The following FBXW10 variants were observed in gnomAD, a reference collection of about 807,000 sequenced individuals.
FBXW10 encodes F-box/WD repeat-containing protein 10.
FBXW10 carries 68 observed loss-of-function variants against 113.1 expected under a neutral mutation model. The observed-to-expected ratio is 0.60, with a 90% CI of 0.49 to 0.74. FBXW10 has a LOEUF of 0.74. Among genes scored for constraint, FBXW10 ranks in the 30% least tolerant of loss-of-function variants. FBXW10 has a pLI of 0.00. For missense variants in FBXW10, 753 were observed against 1,284.5 expected (o/e 0.59, Z 6.32); for synonymous variants, 289 against 481.6 (o/e 0.60, Z 5.24).
chr17:18,762,152 CG>C (rs199859632), intron 7 of FBXW10, among the ~76,000 whole-genome samples: 13,130 of 149,604 alleles, frequency 0.088, 633 homozygotes, highest in African/African-American at 0.13. Context: ...TTAGTAGAGA[CG>C]GGGTTTCACT....
At position 18,772,600 on chromosome 17, in the gene FBXW10, G is replaced by A; in HGVS notation, c.2195G>A (p.Ser732Asn). Residue 732 changes from serine (S) to asparagine (N), a missense_variant, in exon 12 of 14, where the codon AGT becomes AAT. Transcript: ENST00000395665. ...CACAGCCCAAGAGAGTCTGTATCCA[G>A]TAAACAAACTGTGATCCAAGAGCTC... is the stretch of plus-strand genomic sequence containing the variant. Reference protein sequence around the residue: ...QVHSPRESVSSKQTVIQELLP... With the variant: ...QVHSPRESVSNKQTVIQELLP... 1 of 1,614,006 alleles carries A rather than the reference G, an allele frequency of 6.2e-7. No individual in the cohort carries two copies. Among genetic ancestry groups the A allele is most frequent in the Non-Finnish European group, 8.5e-7 (1 of 1,179,854 alleles).
chr17:18,749,672 G>C (rs745917852), intron 2 of FBXW10, 50 bp from the exon 3 acceptor site: 24 of 1,613,172 alleles, frequency 1.5e-5, no homozygotes, highest in Non-Finnish European at 2.0e-5. Flanking sequence ...TTGGCCTGGA[G>C]TTTCTACAGA....
At chr17:18,775,342 C>G (rs904224169) in intron 13 of FBXW10, 150 bp downstream of exon 13, 3 of 614,998 alleles carry the variant, frequency 4.9e-6, no homozygotes, top group Non-Finnish European at 5.9e-6. Context: ...TTCTCTCACT[C>G]TAGTTTCGTA....
At chr17:18,764,554 A>G (rs1007847539) in intron 7 of FBXW10, among the ~76,000 whole-genome samples, 188 bp from the exon 8 acceptor site, 25 of 152,128 alleles carry the variant, frequency 1.6e-4, no homozygotes, top group African/African-American at 4.6e-4. Context: ...ACGTAACACA[A>G]AAATTAACTT....
chr17:18,757,085 T>C (rs189252277), intron 6 of FBXW10, among the ~76,000 whole-genome samples: 182 of 152,312 alleles, frequency 1.2e-3, no homozygotes, highest in Non-Finnish European at 1.8e-3. Context: ...CATATATATA[T>C]ACACATATAC....
At chr17:18,764,233 C>T (rs182629310) in intron 7 of FBXW10, among the ~76,000 whole-genome samples, 128 of 140,282 alleles carry the variant, frequency 9.1e-4, no homozygotes, top group African/African-American at 3.4e-3. Context: ...GACAGAGTCT[C>T]GCTCTATTGG....
chr17:18,772,119 T>A (rs2035625756), intron 11 of FBXW10, among the ~76,000 whole-genome samples: 1 of 151,898 alleles, frequency 6.6e-6, no homozygotes, highest in Non-Finnish European at 1.5e-5. Flanking sequence ...AATAAAAAAA[T>A]AAAAATAAAA....
At chr17:18,764,892 A>T in intron 8 of FBXW10, 29 bp downstream of exon 8, 1 of 1,613,892 alleles carries the variant, frequency 6.2e-7, no homozygotes, top group Admixed American at 1.7e-5. Context: ...AAATTTTCTA[A>T]GAAGTTTCCC....
intron 1 of FBXW10, chr17:18,745,307 G>T: frequency 1.4e-6 from 1 of 711,690 alleles, no homozygotes; most frequent in Non-Finnish European, 1.7e-6. Flanking sequence ...TAGGGTGGTA[G>T]TTCTCCAGCT....
intron 5 of FBXW10, among the ~76,000 whole-genome samples, chr17:18,754,817 G>A (rs879273173): frequency 1.6e-4 from 24 of 152,190 alleles, no homozygotes; most frequent in Non-Finnish European, 2.4e-4. Flanking sequence ...AAATGAAAGC[G>A]CCCTTGTCAC....
chr17:18,747,949 C>T lies in FBXW10; in HGVS notation c.514C>T (p.Gln172Ter), dbSNP rs1332547018. ...GGTCTTCTGTGTTTCAGGGCTCAAT[C>T]AAGACATCACAGATGTGTGTTTTTC... The part of the protein sequence containing the change: ...REENNISGLN[Q>*]DITDVCFSPE... The change falls in exon 2 of 14, where the codon CAA (glutamine) becomes TAA (stop). Residue 172 changes from glutamine (Q) to a stop codon, truncating the protein, a stop_gained. Coordinates refer to ENST00000395665, the MANE Select transcript of FBXW10 (RefSeq NM_001267585.2). LOFTEE classifies it high-confidence loss of function. 2.3e-5 allele frequency: 37 copies of T among 1,613,788 alleles called. No individual in the cohort carries two copies. The highest frequency in any genetic ancestry group is 3.0e-5 in the Non-Finnish European group (35 of 1,179,862).
chr17:18,748,926 A>G (rs1414702787), intron 2 of FBXW10, among the ~76,000 whole-genome samples: 1 of 152,234 alleles, frequency 6.6e-6, no homozygotes, highest in Non-Finnish European at 1.5e-5. Flanking sequence ...CAAGACATAT[A>G]CATGAAATAT....
Position 18,772,444 on chromosome 17 carries a change from T to A in FBXW10, c.2039T>A (p.Met680Lys). Residue 680 changes from methionine to lysine, a missense_variant, in exon 12 of 14, where the codon ATG becomes AAG. By Grantham distance (95) the Met-to-Lys change is moderately conservative. Transcript: ENST00000395665. ...MVVNTESNVL[M>K]FQFEHIKWQY... ...GTCAACACAGAGAGCAATGTTCTCA[T>A]GTTCCAGTTTGAGCACATAAAGTGG... 11 of 1,614,204 alleles carry A rather than the reference T, an allele frequency of 6.8e-6. No homozygotes were observed. The highest frequency in any genetic ancestry group is 9.3e-6 in the Non-Finnish European group (11 of 1,180,016).
chr17:18,756,199 T>A (rs772660060), intron 6 of FBXW10, 45 bp downstream of exon 6: 11 of 1,573,074 alleles, frequency 7.0e-6, no homozygotes, highest in Non-Finnish European at 7.0e-6. Flanking sequence ...ATGCTTGAGT[T>A]ACCCACACTG....
chr17:18,764,234 G>T lies in FBXW10; in HGVS notation c.1434-508G>T, dbSNP rs2035442436. Among the ~76,000 whole-genome samples the T allele has an allele frequency of 2.2e-5, 3 of 134,054 alleles. No homozygotes were observed. In the South Asian group the frequency reaches 6.8e-4, roughly 30 times the overall value. The allele number at this position is 134,054 out of a possible 152,430, so 87.9% of individuals were successfully genotyped here. On this transcript the variant is annotated intron_variant, in intron 7 of 13. Transcript: ENST00000395665. ...TTTTTTTTTTTTGAGACAGAGTCTC[G>T]CTCTATTGGCAGGCTGGAGTGCAGT... is the stretch of plus-strand genomic sequence containing the variant.
rs1171025509 is a variant in FBXW10, at chr17:18,778,579, C to A, written c.2440C>A (p.Gln814Lys). The change falls in exon 14 of 14, where the codon CAA (glutamine) becomes AAA (lysine). Residue 814 changes from glutamine to lysine, a missense_variant. Gln to Lys is a moderately conservative substitution (Grantham distance 53, BLOSUM62 1). Coordinates refer to ENST00000395665, the MANE Select transcript of FBXW10 (RefSeq NM_001267585.2). ...KSWKIPMSPD[Q>K]FLLTVSALQH... ...TTGGAAAATCCCTATGTCACCTGAC[C>A]AATTCCTCCTGACTGTTAGCGCCCT... is the stretch of plus-strand genomic sequence containing the variant. 5 of 1,613,870 alleles carry A rather than the reference C, an allele frequency of 3.1e-6. 1 individual carries two copies. In the Admixed American group the frequency reaches 6.7e-5, roughly 22 times the overall value.
At chr17:18,747,422 G>A (rs1380262892) in intron 1 of FBXW10, among the ~76,000 whole-genome samples, 4 of 152,066 alleles carry the variant, frequency 2.6e-5, no homozygotes, top group Non-Finnish European at 5.9e-5. Flanking sequence ...ATAGCCAGGT[G>A]TCATGCACTT....
At chr17:18,770,403 A>C (rs1466234137) in intron 11 of FBXW10, among the ~76,000 whole-genome samples, 1 of 151,742 alleles carries the variant, frequency 6.6e-6, no homozygotes, top group Non-Finnish European at 1.5e-5. Flanking sequence ...TCCCGGGTTC[A>C]AGCAATTCTC....
intron 11 of FBXW10, among the ~76,000 whole-genome samples, chr17:18,770,396 C>T (rs1440807998): frequency 3.9e-5 from 6 of 152,054 alleles, no homozygotes; most frequent in Admixed American, 1.3e-4. Context: ...CTCCGCCTCC[C>T]GGGTTCAAGC....
Sources: gnomAD v4.1 joint callset for allele counts (sites outside exome capture counted in the v4.1 genomes callset) on GRCh38, gnomAD v4.1.1 for gene constraint, MANE v1.5 for transcripts, NCBI Gene and HGNC (gene_info 2026-07-23, HGNC 2026-07-21) for gene names.